The following MUTYH variants were observed in gnomAD, a reference collection of about 807,000 sequenced individuals.
The protein encoded by MUTYH is adenine DNA glycosylase.
In MUTYH, 64 loss-of-function variants were observed where a neutral mutation model predicts 72.9. The ratio of observed to expected loss-of-function variants is 0.88; its 90% CI spans 0.72 to 1.08. The LOEUF (loss-of-function observed/expected upper bound fraction) is 1.08, where lower values mean the gene tolerates loss of function less well. Among genes scored for constraint, MUTYH ranks in the 50% least tolerant of loss-of-function variants. The probability of loss-of-function intolerance (pLI) is 0.00; values close to 1 mark genes in which losing one functional copy is unlikely to be tolerated. For missense variants in MUTYH, 633 were observed against 671.0 expected (o/e 0.94, Z 0.63); for synonymous variants, 234 against 263.1 (o/e 0.89, Z 1.07).
In MUTYH at chr1:45,329,401, G is replaced by C. The variant is rs754364718; in HGVS notation, c.1471C>G (p.Arg491Gly). The change falls in exon 16 of 16, where the codon CGG becomes GGG. Residue 491 changes from arginine to glycine, a missense_variant. Physicochemically the swap from Arg to Gly is moderately radical, Grantham distance 125. Transcript: ENST00000456914. ...KRSQVSSPCS[R>G]KKPRMGQQVL... ...TGCTGGCCCATGCGGGGCTTTTTCC[G>C]ACTGCACGGAGAGGACACCTGGGAC... 1.9e-6 allele frequency: 3 copies of C among 1,614,104 alleles called. No individual in the cohort carries two copies. The highest frequency in any genetic ancestry group is 2.5e-6 in the Non-Finnish European group (3 of 1,180,008).
intron 7 of MUTYH, 36 bp from the exon 8 acceptor site, chr1:45,332,723 C>T: frequency 1.9e-6 from 3 of 1,614,120 alleles, no homozygotes; most frequent in Non-Finnish European, 1.7e-6. Context: ...TATAAGACAC[C>T]CAAGACTCCT....
rs1553125152 is a variant in MUTYH, at chr1:45,331,278, C to T, written c.1296G>A (p.Leu432=). 1.9e-6 allele frequency: 3 copies of T among 1,614,168 alleles called. No individual in the cohort carries two copies. Among genetic ancestry groups the T allele is most frequent in the Non-Finnish European group, 2.5e-6 (3 of 1,180,024 alleles). Residue 432 remains leucine (L), a synonymous_variant, in exon 14 of 16, where the codon TTG becomes TTA. Transcript: ENST00000456914. ...KLTYQVYGLA[L]EGQTPVTTVP... The stretch of plus-strand genomic sequence containing the variant: ...CGGTGGTCACTGGGGTCTGCCCTTC[C>T]AAGGCCAGCCCATATACTTGATATG...
chr1:45,333,454 A>G lies in MUTYH; in HGVS notation c.223T>C (p.Trp75Arg). 1 of 1,614,188 alleles carries G rather than the reference A, an allele frequency of 6.2e-7. No homozygotes were observed. The highest frequency in any genetic ancestry group is 8.5e-7 in the Non-Finnish European group (1 of 1,180,016). The change falls in exon 3 of 16, where the codon TGG (tryptophan) becomes CGG (arginine). Residue 75 changes from tryptophan to arginine, a missense_variant. Coordinates refer to ENST00000456914, the MANE Select transcript of MUTYH (RefSeq NM_001048174.2). ...AGGTCCCGTTTCTCTTGGTCGTACCAGCTTAGCAGGCTCCCTCGGAAGGCT... is the reference window on the plus strand; with the variant it reads ...AGGTCCCGTTTCTCTTGGTCGTACCGGCTTAGCAGGCTCCCTCGGAAGGCT... The part of the protein sequence containing the change: ...VTAFRGSLLS[W>R]YDQEKRDLPW...
In MUTYH at chr1:45,339,892, C is replaced by CCCCT. The variant is rs1183029597; in HGVS notation, c.-7+6_-7+7insAGGG. On this transcript the variant is annotated splice_region_variant and intron_variant, in intron 1 of 15. Coordinates refer to ENST00000456914, the MANE Select transcript of MUTYH (RefSeq NM_001048174.2). ...AGCCCAAACCCAGCCACCCCACTAC[C>CCCCT]CGCTACCCGCGGCCCACGCTGATGA... 70 of 1,404,132 alleles carry CCCCT rather than the reference C, an allele frequency of 5.0e-5. No homozygotes were observed. In the Admixed American group the frequency reaches 1.3e-3, roughly 27 times the overall value. The allele number at this position is 1,404,132 out of a possible 1,614,324, so 87.0% of individuals were successfully genotyped here.
chr1:45,332,883 T>TC (rs1182320040), intron 6 of MUTYH, 35 bp downstream of exon 6: 2 of 1,613,988 alleles, frequency 1.2e-6, no homozygotes, highest in African/African-American at 2.7e-5. Context: ...GTCCCTCTAT[T>TC]GTTCCTATTT....
At position 45,332,678 on chromosome 1, in the gene MUTYH, C is replaced by A. The variant is rs745921592; in HGVS notation, c.502G>T (p.Glu168Ter). The A allele has an allele frequency of 2.5e-6, 4 of 1,614,030 alleles. No individual in the cohort carries two copies. The highest frequency in any genetic ancestry group is 3.4e-6 in the Non-Finnish European group (4 of 1,180,012). The change falls in exon 8 of 16, where the codon GAG (glutamate) becomes TAG (stop). Residue 168 changes from glutamate to a stop codon, truncating the protein, a stop_gained. Transcript: ENST00000456914. LOFTEE classifies it high-confidence loss of function. ...LQEGARKVVEELGGHMPRTAE... is the reference protein window; with the variant it reads ...LQEGARKVVE ...GTACGTGGCATGTGGCCCCCTAGCT[C>A]CTCTACCACCTGATTGGAGTGCAAG... is the stretch of plus-strand genomic sequence containing the variant.
At chr1:45,334,721 C>T (rs1176894755) in intron 1 of MUTYH, among the ~76,000 whole-genome samples, 5 of 152,152 alleles carry the variant, frequency 3.3e-5, no homozygotes, top group South Asian at 4.1e-4. Flanking sequence ...TCAAGGGGGC[C>T]GGCGTTACAG....
chr1:45,329,747 C>A (rs1482702485), intron 15 of MUTYH: 4 of 369,232 alleles, frequency 1.1e-5, no homozygotes, highest in African/African-American at 2.1e-5. Context: ...GCTAAACCAA[C>A]TGCTCACAGC....
chr1:45,339,205 AT>A (rs60609540), intron 1 of MUTYH, among the ~76,000 whole-genome samples: 1,227 of 118,184 alleles, frequency 0.01, 7 homozygotes, highest in African/African-American at 0.033. Context: ...TCCAATAGGA[AT>A]TTTTTTTTTT....
At chr1:45,334,543 G>C (rs2149190755) in intron 1 of MUTYH, 32 bp from the exon 2 acceptor site, 1 of 1,613,764 alleles carries the variant, frequency 6.2e-7, no homozygotes, top group Middle Eastern at 1.7e-4. Context: ...AAAGCAGTCA[G>C]TCACAATGAG....
chr1:45,337,150 T>TC (rs1646010860), intron 1 of MUTYH, among the ~76,000 whole-genome samples: 1 of 151,186 alleles, frequency 6.6e-6, no homozygotes, highest in South Asian at 2.1e-4. Context: ...TCCCATTCTT[T>TC]TTTTTTTTTT....
At chr1:45,334,578 G>A (rs2149191257) in intron 1 of MUTYH, 67 bp from the exon 2 acceptor site, 1 of 1,605,720 alleles carries the variant, frequency 6.2e-7, no homozygotes, top group South Asian at 1.1e-5. Flanking sequence ...CCTTCCAAGG[G>A]TGATAGCTAT....
Position 45,333,509 on chromosome 1 carries a change from G to T in MUTYH, c.168C>A (p.Tyr56Ter), listed in dbSNP as rs1645371113. ...EVVLQASVSS[Y>*]HLFRDVAEVT... is the part of the protein sequence containing the mutation. ...CTTCAGCTACGTCTCTGAATAGATGGTATGAGGAGACAGAGGCCTGCAATA... is the reference window on the plus strand; with the variant it reads ...CTTCAGCTACGTCTCTGAATAGATGTTATGAGGAGACAGAGGCCTGCAATA... Residue 56 changes from tyrosine (Y) to a stop codon, truncating the protein, a stop_gained, in exon 3 of 16, where the codon TAC becomes TAA. Transcript: ENST00000456914. LOFTEE classifies it high-confidence loss of function. 1 of 1,614,212 alleles carries T rather than the reference G, an allele frequency of 6.2e-7. No homozygotes were observed. Among genetic ancestry groups the T allele is most frequent in the Middle Eastern group, 1.6e-4 (1 of 6,062 alleles).
rs761195246 is a variant in MUTYH at position 45,332,829 on chromosome 1, C to T, written c.426G>A (p.Val142=). The T allele has an allele frequency of 5.0e-6, 8 of 1,614,120 alleles. No individual in the cohort carries two copies. The highest frequency in any genetic ancestry group is 6.8e-6 in the Non-Finnish European group (8 of 1,180,054). ...AGCCCAGGCCAGCCCAGAGTTGATT[C>T]ACCTCCTGTGGGTAGGATCAGAGGT... ...QDLASASLEE[V]NQLWAGLGYY... is the part of the protein sequence containing the mutation. The change falls in exon 7 of 16, where the codon GTG becomes GTA. Residue 142 remains valine (V), a synonymous_variant. Coordinates refer to ENST00000456914, the MANE Select transcript of MUTYH (RefSeq NM_001048174.2).
intron 1 of MUTYH, 140 bp downstream of exon 1, chr1:45,339,759 G>A: frequency 9.2e-7 from 1 of 1,085,190 alleles, no homozygotes; most frequent in South Asian, 1.3e-5. Flanking sequence ...TCCTCTCTGG[G>A]AATTTACCGA....
chr1:45,338,274 G>C, intron 1 of MUTYH: 2 of 533,260 alleles, frequency 3.8e-6, no homozygotes, highest in Admixed American at 4.4e-5. Flanking sequence ...CAGTGATCCG[G>C]GCACCATCCG....
rs369052315 is a variant in MUTYH at position 45,332,384 on chromosome 1, A to T, written c.704+7T>A. 59 of 1,614,038 alleles carry T rather than the reference A, an allele frequency of 3.7e-5. No homozygotes were observed. Among genetic ancestry groups the T allele is most frequent in the Non-Finnish European group, 4.9e-5 (58 of 1,180,018 alleles). On this transcript the variant is annotated splice_region_variant and intron_variant, in intron 9 of 15. Coordinates refer to ENST00000456914, the MANE Select transcript of MUTYH (RefSeq NM_001048174.2). The stretch of plus-strand genomic sequence containing the variant: ...CCTGAAGCACCCTTGTTACCCCAAC[A>T]TCCTACCAGAGCTGCTGGGAAACAA...
At chr1:45,333,216 C>T (rs757990869) in intron 4 of MUTYH, 46 bp from the exon 5 acceptor site, 8 of 1,614,010 alleles carry the variant, frequency 5.0e-6, no homozygotes, top group Middle Eastern at 1.6e-4. Flanking sequence ...CCTGCCCCTA[C>T]CTGGCCCACA....
upstream of MUTYH, chr1:45,340,369 C>A: frequency 6.4e-7 from 1 of 1,562,800 alleles, no homozygotes; most frequent in Non-Finnish European, 8.7e-7. Context: ...AGGCCTCGGG[C>A]TCATAGTTCT....
Sources: allele counts gnomAD v4.1 joint callset (sites outside exome capture counted in the v4.1 genomes callset), GRCh38; gene constraint gnomAD v4.1.1; transcripts MANE v1.5; gene names NCBI Gene and HGNC (gene_info 2026-07-23, HGNC 2026-07-21).